The following PTPRG variants were observed in gnomAD, a reference collection of about 807,000 sequenced individuals.
The protein encoded by PTPRG is receptor-type tyrosine-protein phosphatase gamma.
PTPRG carries 102 observed loss-of-function variants against 165.3 expected under a neutral mutation model. The ratio of observed to expected loss-of-function variants is 0.62; its 90% CI spans 0.53 to 0.73. PTPRG has a LOEUF of 0.73. Ranked by LOEUF, PTPRG falls within the 30% of genes least tolerant of loss-of-function variation. The pLI, the probability that PTPRG is intolerant of heterozygous loss-of-function variation, is 0.00. For synonymous variants in PTPRG, 675 were observed against 669.5 expected (o/e 1.01, Z -0.13); for missense variants, 1,866 against 1,861.4 (o/e 1.00, Z -0.05).
chr3:62,124,393 G>A, intron 5 of PTPRG: 1 of 1,613,774 alleles, frequency 6.2e-7, no homozygotes, highest in South Asian at 1.1e-5. Flanking sequence ...GCAGGTCCAA[G>A]ATGTAGTCGA....
intron 5 of PTPRG, among the ~76,000 whole-genome samples, chr3:62,097,024 A>C (rs1702141388): frequency 6.6e-6 from 1 of 152,210 alleles, no homozygotes; most frequent in Non-Finnish European, 1.5e-5. Flanking sequence ...ATTATGGGCC[A>C]AGCTGGCTTA....
chr3:61,616,537 T>A (rs764065620), intron 1 of PTPRG, among the ~76,000 whole-genome samples: 40 of 152,202 alleles, frequency 2.6e-4, no homozygotes, highest in Non-Finnish European at 2.9e-5. Context: ...TGGAATACTC[T>A]TCCGTGTAGA....
chr3:62,270,601 A>AC (rs1702028492), intron 20 of PTPRG, among the ~76,000 whole-genome samples: 1 of 152,220 alleles, frequency 6.6e-6, no homozygotes, highest in Non-Finnish European at 1.5e-5. Flanking sequence ...AGGAAAAAGT[A>AC]GAAAAATGAG....
intron 1 of PTPRG, among the ~76,000 whole-genome samples, chr3:61,676,017 T>A (rs1443019773): frequency 6.6e-6 from 1 of 152,200 alleles, no homozygotes; most frequent in Non-Finnish European, 1.5e-5. Context: ...ATTTGTCCAG[T>A]CATTTATTTA....
chr3:61,636,384 G>A (rs758517539), intron 1 of PTPRG, among the ~76,000 whole-genome samples: 9 of 152,040 alleles, frequency 5.9e-5, no homozygotes, highest in African/African-American at 1.7e-4. Context: ...TTATAAATTC[G>A]CCTATTCTGG....
At chr3:61,631,703 A>T (rs1290522808) in intron 1 of PTPRG, among the ~76,000 whole-genome samples, 1 of 152,224 alleles carries the variant, frequency 6.6e-6, no homozygotes, top group Admixed American at 6.5e-5. Flanking sequence ...AAGTAGTTTA[A>T]ATACTATAAA....
intron 2 of PTPRG, among the ~76,000 whole-genome samples, chr3:61,913,590 A>T (rs1464309395): frequency 6.6e-6 from 1 of 152,106 alleles, no homozygotes; most frequent in African/African-American, 2.4e-5. Flanking sequence ...ACTCATATGG[A>T]TGTGTGGCTT....
At chr3:62,278,675 A>G (rs758917837) in intron 26 of PTPRG, among the ~76,000 whole-genome samples, 3 of 152,072 alleles carry the variant, frequency 2.0e-5, no homozygotes, top group Non-Finnish European at 4.4e-5. Context: ...GTCAGTAGGA[A>G]CTTCTTCACT....
intron 16 of PTPRG, among the ~76,000 whole-genome samples, chr3:62,259,410 G>A (rs1311541224): frequency 2.6e-5 from 4 of 151,574 alleles, no homozygotes; most frequent in Non-Finnish European, 2.9e-5. Context: ...AAAATTGCAG[G>A]GAAAAAAAAA....
chr3:61,796,554 A>C (rs998207976), intron 2 of PTPRG, among the ~76,000 whole-genome samples: 2 of 152,132 alleles, frequency 1.3e-5, no homozygotes, highest in African/African-American at 4.8e-5. Context: ...CTTTGTGTGC[A>C]AGTTGACCAT....
intron 2 of PTPRG, among the ~76,000 whole-genome samples, chr3:61,828,536 A>G (rs1238797305): frequency 1.3e-5 from 2 of 152,240 alleles, no homozygotes; most frequent in Non-Finnish European, 2.9e-5. Flanking sequence ...AACACCAAAT[A>G]GGTAGAAAGT....
intron 4 of PTPRG, among the ~76,000 whole-genome samples, chr3:62,059,838 A>G (rs1700749105): frequency 6.6e-6 from 1 of 152,134 alleles, no homozygotes; most frequent in Non-Finnish European, 1.5e-5. Context: ...TGATGGTTTC[A>G]TAAGGGGCTT....
intron 28 of PTPRG, among the ~76,000 whole-genome samples, chr3:62,284,147 T>C (rs372345123): frequency 6.6e-6 from 1 of 152,232 alleles, no homozygotes. Context: ...ATATGACTGA[T>C]TTTGCTGTTA....
intron 1 of PTPRG, among the ~76,000 whole-genome samples, chr3:61,592,649 CTT>C (rs373986933): frequency 8.3e-5 from 11 of 132,868 alleles, no homozygotes; most frequent in South Asian, 2.3e-4. Context: ...TTCTTTCTTT[CTT>C]TTTTTTTTTT....
chr3:61,710,048 G>C lies in PTPRG; in HGVS notation c.86-38830G>C, dbSNP rs1326945469. ...TTCCGGGTGTTTGCCAAGTTACTGT[G>C]AGAGTGTCTCACTCCAGTTATTGGT... is the stretch of plus-strand genomic sequence containing the variant. On this transcript the variant is annotated intron_variant, in intron 1 of 29. Transcript: ENST00000474889. 7.2e-5 allele frequency among the ~76,000 whole-genome samples: 11 copies of C among 152,202 alleles called. No individual in the cohort carries two copies. The East Asian group carries it at 2.1e-3, about 29-fold the overall frequency.
In PTPRG at chr3:62,118,859, T is replaced by G. The variant is rs562625145; in HGVS notation, c.616-13743T>G. Among the ~76,000 whole-genome samples the G allele has an allele frequency of 8.5e-5, 13 of 152,298 alleles. No individual in the cohort carries two copies. The South Asian group carries it at 2.7e-3, about 32-fold the overall frequency. Reference sequence around the variant, plus strand: ...CACAGCCAAGACTTGGATCACATCTTTTGGACATAAATCCCAGAACTCTTT... The same window carrying G: ...CACAGCCAAGACTTGGATCACATCTGTTGGACATAAATCCCAGAACTCTTT... On this transcript the variant is annotated intron_variant, in intron 5 of 29. Transcript: ENST00000474889.
At chr3:61,919,884 G>A (rs978099362) in intron 2 of PTPRG, among the ~76,000 whole-genome samples, 3 of 152,162 alleles carry the variant, frequency 2.0e-5, no homozygotes, top group African/African-American at 7.2e-5. Flanking sequence ...CAGTCCAGTC[G>A]TGGGCAAGGT....
chr3:61,571,910 C>G (rs953621644), intron 1 of PTPRG, among the ~76,000 whole-genome samples: 2 of 152,198 alleles, frequency 1.3e-5, no homozygotes, highest in African/African-American at 2.4e-5. Flanking sequence ...GCTGTGGGAT[C>G]TTGGGCAAGA....
chr3:62,250,871 G>T (rs575377163), intron 15 of PTPRG, among the ~76,000 whole-genome samples: 73 of 152,168 alleles, frequency 4.8e-4, no homozygotes, highest in South Asian at 4.2e-3. Flanking sequence ...GTTGTGGATT[G>T]AACAAAATAA....
Sources: gnomAD v4.1 joint callset for allele counts (sites outside exome capture counted in the v4.1 genomes callset) on GRCh38, gnomAD v4.1.1 for gene constraint, MANE v1.5 for transcripts, NCBI Gene and HGNC (gene_info 2026-07-23, HGNC 2026-07-21) for gene names.